DRC11: variants seen among roughly 807,000 people sequenced by gnomAD.
DRC11 encodes IQ and AAA domain-containing protein 1.
the DRC11 span, among the ~76,000 whole-genome samples, chr2:236,352,567 A>G: frequency 6.6e-6 from 1 of 152,168 alleles, no homozygotes; most frequent in African/African-American, 2.4e-5. This position sits in a 1 kb window ranked among gnomAD's most constrained non-coding sequence, Gnocchi z 7.0. Context: ...TTTGTGGAAA[A>G]GCAGTGTTCT....
At chr2:236,390,316 G>GT in the DRC11 span, among the ~76,000 whole-genome samples, 2 of 152,050 alleles carry the variant, frequency 1.3e-5, no homozygotes, top group Non-Finnish European at 2.9e-5. The surrounding 1 kb of genome is among the most constrained non-coding windows in gnomAD (Gnocchi z 5.9). Flanking sequence ...ATTTGCATGA[G>GT]ATATCTTTTT....
chr2:236,498,166 G>T, the DRC11 span, among the ~76,000 whole-genome samples: 4 of 151,948 alleles, frequency 2.6e-5, no homozygotes, highest in African/African-American at 9.7e-5. Flanking sequence ...TGAGGTGCAG[G>T]CTGGGCGTGG....
the DRC11 span, among the ~76,000 whole-genome samples, chr2:236,314,714 A>T: frequency 6.6e-6 from 1 of 152,210 alleles, no homozygotes; most frequent in Non-Finnish European, 1.5e-5. The surrounding 1 kb of genome is among the most constrained non-coding windows in gnomAD (Gnocchi z 4.5). Context: ...ATAACGGAAA[A>T]TTATCAAATA....
chr2:236,364,459 G>A, the DRC11 span, among the ~76,000 whole-genome samples: 1 of 152,148 alleles, frequency 6.6e-6, no homozygotes, highest in South Asian at 2.1e-4. Flanking sequence ...GTGAGATCAA[G>A]GGAGGATGGA....
the DRC11 span, among the ~76,000 whole-genome samples, chr2:236,364,553 T>C: frequency 5.9e-5 from 9 of 152,092 alleles, no homozygotes; most frequent in African/African-American, 1.9e-4. Flanking sequence ...TGACGCTTGA[T>C]AATGAAGTGA....
the DRC11 span, among the ~76,000 whole-genome samples, chr2:236,325,312 A>G: frequency 3.3e-5 from 5 of 152,334 alleles, no homozygotes; most frequent in African/African-American, 9.6e-5. The surrounding 1 kb of genome is among the most constrained non-coding windows in gnomAD (Gnocchi z 4.4). Context: ...TTGGGTTTAT[A>G]AACTTTATAG....
the DRC11 span, among the ~76,000 whole-genome samples, chr2:236,439,258 C>T: frequency 1.3e-5 from 2 of 152,000 alleles, no homozygotes; most frequent in African/African-American, 2.4e-5. Flanking sequence ...AAAAACCCTT[C>T]AAAACATTAA....
At chr2:236,420,311 A>G in the DRC11 span, among the ~76,000 whole-genome samples, 2 of 152,174 alleles carry the variant, frequency 1.3e-5, no homozygotes, top group East Asian at 3.8e-4. This position sits in a 1 kb window ranked among gnomAD's most constrained non-coding sequence, Gnocchi z 4.8. Context: ...ATGTAGGGAG[A>G]AAAGAGGCAT....
At chr2:236,470,988 C>T in the DRC11 span, among the ~76,000 whole-genome samples, 8 of 152,182 alleles carry the variant, frequency 5.3e-5, no homozygotes, top group Non-Finnish European at 8.8e-5. The surrounding 1 kb of genome is among the most constrained non-coding windows in gnomAD (Gnocchi z 5.1). Context: ...CTTTTGTGCA[C>T]TACTTTCTTT....
At chr2:236,428,713 A>G in the DRC11 span, among the ~76,000 whole-genome samples, 1 of 152,320 alleles carries the variant, frequency 6.6e-6, no homozygotes, top group East Asian at 1.9e-4. Flanking sequence ...TTTTGATTGG[A>G]GAATTTAATT....
chr2:236,387,034 G>C, the DRC11 span, among the ~76,000 whole-genome samples: 1 of 151,716 alleles, frequency 6.6e-6, no homozygotes. Flanking sequence ...GAGATAGTTT[G>C]TTATAATTTC....
At chr2:236,338,092 C>G in the DRC11 span, 1 of 993,542 alleles carries the variant, frequency 1.0e-6, no homozygotes, top group African/African-American at 1.6e-5. Context: ...CGGGTGCAGG[C>G]TCCCCTCAAC....
the DRC11 span, among the ~76,000 whole-genome samples, chr2:236,357,218 ATATC>A: frequency 2.7e-3 from 323 of 120,842 alleles, 4 homozygotes; most frequent in African/African-American, 0.011. Flanking sequence ...CATATAGTAT[ATATC>A]TATTATAAAT....
chr2:236,359,012 G>C, the DRC11 span, among the ~76,000 whole-genome samples: 1 of 151,410 alleles, frequency 6.6e-6, no homozygotes, highest in Admixed American at 6.6e-5. The surrounding 1 kb of genome is among the most constrained non-coding windows in gnomAD (Gnocchi z 4.3). Context: ...GCTTCTTCCT[G>C]TATCCGCCTT....
chr2:236,312,348 TAA>T, the DRC11 span, among the ~76,000 whole-genome samples: 45 of 151,596 alleles, frequency 3.0e-4, no homozygotes, highest in African/African-American at 1.0e-3. Context: ...TCATAGTTCT[TAA>T]AAAAAAATAT....
chr2:236,459,697 A>ATATATG, the DRC11 span, among the ~76,000 whole-genome samples: 1 of 133,260 alleles, frequency 7.5e-6, no homozygotes, highest in African/African-American at 2.8e-5. Flanking sequence ...ACATATATAC[A>ATATATG]TATATACGTA....
the DRC11 span, among the ~76,000 whole-genome samples, chr2:236,394,922 G>A: frequency 7.9e-5 from 12 of 152,244 alleles, no homozygotes; most frequent in East Asian, 5.8e-4. This position sits in a 1 kb window ranked among gnomAD's most constrained non-coding sequence, Gnocchi z 7.0. Context: ...GGACCAGCCC[G>A]TGGTGGCGCA....
At chr2:236,501,173 A>G in the DRC11 span, among the ~76,000 whole-genome samples, 1 of 152,074 alleles carries the variant, frequency 6.6e-6, no homozygotes, top group Non-Finnish European at 1.5e-5. Context: ...GAAGGTGGGG[A>G]GGTGCCACAC....
chr2:236,379,030 G>A, the DRC11 span, among the ~76,000 whole-genome samples: 1 of 152,154 alleles, frequency 6.6e-6, no homozygotes, highest in Admixed American at 6.5e-5. Context: ...TGTTTCCAGG[G>A]GCTGCTTGCC....
Sources: gnomAD v4.1 joint callset for allele counts (sites outside exome capture counted in the v4.1 genomes callset) on GRCh38, gnomAD v4.1.1 for gene constraint, Gnocchi (gnomAD v3.1) non-coding constraint, MANE v1.5 for transcripts, NCBI Gene and HGNC (gene_info 2026-07-23, HGNC 2026-07-21) for gene names.